Variants in EYS observed in about 807,000 individuals in gnomAD.
EYS encodes EGF-like photoreceptor maintenance factor.
A neutral mutation model predicts 282.1 loss-of-function variants in EYS; 250 were observed. The observed-to-expected ratio is 0.89, with a 90% CI of 0.80 to 0.98. The LOEUF is 0.98. Among genes scored for constraint, EYS ranks in the 50% least tolerant of loss-of-function variants. The probability of loss-of-function intolerance (pLI) is 0.00; values close to 1 mark genes in which losing one functional copy is unlikely to be tolerated. For missense variants in EYS, 4,016 were observed against 3,709.0 expected, an observed-to-expected ratio of 1.08 and a Z score of -2.15; for synonymous variants, 1,355 against 1,282.9, an observed-to-expected ratio of 1.06 and a Z score of -1.20.
At chr6:64,506,106 T>A (rs1226887511) in intron 26 of EYS, among the ~76,000 whole-genome samples, 1 of 152,204 alleles carries the variant, frequency 6.6e-6, no homozygotes, top group Non-Finnish European at 1.5e-5. Context: ...TTCATAGAAT[T>A]ATGAAAATTG....
chr6:65,680,729 C>T (rs1187414314), intron 1 of EYS, among the ~76,000 whole-genome samples: 1 of 151,956 alleles, frequency 6.6e-6, no homozygotes. Context: ...AATATTCTCA[C>T]AATTCTCTTC....
intron 36 of EYS, among the ~76,000 whole-genome samples, chr6:63,837,593 C>T (rs1040231711): frequency 4.0e-5 from 6 of 151,678 alleles, no homozygotes; most frequent in African/African-American, 1.5e-4. Context: ...TTCTATTTAA[C>T]TTTCTATTGA....
intron 26 of EYS, among the ~76,000 whole-genome samples, chr6:64,572,189 A>G (rs1765748287): frequency 6.6e-6 from 1 of 152,230 alleles, no homozygotes; most frequent in African/African-American, 2.4e-5. Flanking sequence ...TGATTATTTA[A>G]ATAGATGAAG....
intron 31 of EYS, among the ~76,000 whole-genome samples, chr6:64,159,228 G>A (rs556591100): frequency 3.3e-5 from 5 of 152,096 alleles, no homozygotes; most frequent in South Asian, 4.2e-4. Flanking sequence ...TAGGTTAATC[G>A]TTATTATAAT....
intron 1 of EYS, among the ~76,000 whole-genome samples, chr6:65,697,009 C>T (rs936813173): frequency 2.0e-5 from 3 of 151,700 alleles, no homozygotes; most frequent in Admixed American, 6.6e-5. Context: ...TGAAAAGATT[C>T]GATAGTTAAA....
chr6:64,192,729 T>C (rs1765154587), intron 31 of EYS, among the ~76,000 whole-genome samples: 1 of 152,186 alleles, frequency 6.6e-6, no homozygotes, highest in African/African-American at 2.4e-5. Flanking sequence ...ATAAAAACCC[T>C]AGAAGAAAAC....
chr6:65,615,093 C>T (rs971621), intron 2 of EYS, among the ~76,000 whole-genome samples: 1 of 152,102 alleles, frequency 6.6e-6, no homozygotes, highest in Non-Finnish European at 1.5e-5. Context: ...TTTCAAAAAT[C>T]TGAAAAATGT....
intron 26 of EYS, among the ~76,000 whole-genome samples, chr6:64,496,253 A>G (rs1365060328): frequency 6.6e-6 from 1 of 151,992 alleles, no homozygotes. Flanking sequence ...CTTAATATTG[A>G]GAAAGTAGCA....
At chr6:64,009,706 G>C (rs577987999) in intron 33 of EYS, among the ~76,000 whole-genome samples, 2 of 151,852 alleles carry the variant, frequency 1.3e-5, no homozygotes, top group Admixed American at 1.3e-4. Flanking sequence ...GTTCCTATCC[G>C]TATTCTGAAT....
In EYS at chr6:65,293,126, T is replaced by TAAGAA. The variant is rs1768571743; in HGVS notation, c.2023+2732_2023+2736dup. Among the ~76,000 whole-genome samples the TAAGAA allele has an allele frequency of 2.0e-5, 3 of 151,486 alleles. No homozygotes were observed. In the East Asian group the frequency reaches 5.9e-4, roughly 30 times the overall value. On this transcript the variant is annotated intron_variant, in intron 12 of 42. Transcript: ENST00000503581. The stretch of plus-strand genomic sequence containing the variant: ...ACTTCTCTGGTAATCAAGACAATCA[T>TAAGAA]AAGAAAAGTAAGATGAGAAGATGGT...
intron 35 of EYS, among the ~76,000 whole-genome samples, chr6:63,961,593 T>C (rs1766064943): frequency 6.6e-6 from 1 of 152,102 alleles, no homozygotes; most frequent in Non-Finnish European, 1.5e-5. Flanking sequence ...TTTATTTATA[T>C]TTATTTATAT....
chr6:65,377,600 A>C (rs1386582394), intron 8 of EYS, among the ~76,000 whole-genome samples: 1 of 152,048 alleles, frequency 6.6e-6, no homozygotes, highest in Non-Finnish European at 1.5e-5. Context: ...TTCTTTTGAA[A>C]AGATTAAAAA....
chr6:65,311,608 C>T (rs574448206), intron 11 of EYS, among the ~76,000 whole-genome samples: 41 of 152,208 alleles, frequency 2.7e-4, no homozygotes, highest in African/African-American at 9.4e-4. Flanking sequence ...TAAATATGCA[C>T]AAATTCTGCA....
intron 12 of EYS, among the ~76,000 whole-genome samples, chr6:65,265,676 C>G (rs1014586428): frequency 2.6e-5 from 4 of 151,882 alleles, no homozygotes; most frequent in Non-Finnish European, 4.4e-5. Context: ...TAGAACTACT[C>G]AGAAAACAGG....
At chr6:65,668,010 C>T (rs558321254) in intron 1 of EYS, among the ~76,000 whole-genome samples, 17 of 151,924 alleles carry the variant, frequency 1.1e-4, no homozygotes, top group African/African-American at 4.1e-4. Flanking sequence ...TCAGCAAATG[C>T]ACCATTGAAG....
chr6:65,146,680 A>T (rs16896350), intron 12 of EYS, among the ~76,000 whole-genome samples: 39,043 of 151,834 alleles, frequency 0.26, 5,365 homozygotes, highest in African/African-American at 0.35. Flanking sequence ...TTTTACAAAA[A>T]CAAATTTGCT....
At chr6:64,374,014 C>T (rs984887922) in intron 29 of EYS, among the ~76,000 whole-genome samples, 1 of 151,878 alleles carries the variant, frequency 6.6e-6, no homozygotes, top group African/African-American at 2.4e-5. Flanking sequence ...TAGCTGCACT[C>T]TCCAGTTGAG....
chr6:65,416,670 T>C (rs1460749887), intron 5 of EYS, among the ~76,000 whole-genome samples: 1 of 152,024 alleles, frequency 6.6e-6, no homozygotes, highest in African/African-American at 2.4e-5. Flanking sequence ...AGTCCTCTGA[T>C]GAAGTGTCAA....
At chr6:65,703,898 A>C (rs1295916947) in intron 1 of EYS, among the ~76,000 whole-genome samples, 2 of 152,158 alleles carry the variant, frequency 1.3e-5, no homozygotes, top group Non-Finnish European at 2.9e-5. Context: ...GTCACTTCAA[A>C]GATGCTGTCC....
Sources: allele counts gnomAD v4.1 joint callset (sites outside exome capture counted in the v4.1 genomes callset), GRCh38; gene constraint gnomAD v4.1.1; transcripts MANE v1.5; gene names NCBI Gene and HGNC (gene_info 2026-07-23, HGNC 2026-07-21).